RADX: variants seen among roughly 807,000 people sequenced by gnomAD.
RADX encodes RPA1 related single stranded DNA binding protein, X-linked, also known as RPA-related protein RADX.
Under a neutral mutation model 61.6 loss-of-function variants are expected in RADX, and 36 were observed. The ratio of observed to expected loss-of-function variants is 0.58; its 90% confidence interval spans 0.45 to 0.77. The LOEUF is 0.77. RADX is among the 30% of genes least tolerant of loss of function. The pLI, the probability that RADX is intolerant of heterozygous loss-of-function variation, is 0.00. For missense variants in RADX, 497 were observed against 651.1 expected (o/e 0.76, Z 2.58); for synonymous variants, 272 against 237.9 (o/e 1.14, Z -1.32).
Position 106,628,264 on chromosome X carries a change from T to C in RADX, c.979+2982T>C, listed in dbSNP as rs777949970. 4.5e-5 allele frequency among the ~76,000 whole-genome samples: 5 copies of C among 112,102 alleles called. No homozygotes were observed. In the East Asian group the frequency reaches 8.4e-4, roughly 19 times the overall value. On this transcript the variant is annotated intron_variant, in intron 3 of 13. Coordinates refer to ENST00000372548, the MANE Select transcript of RADX (RefSeq NM_018015.6). ...AAAATTAGTCTAATGGGGTGACAGC[T>C]ATGTAAGATAAACAAATTAGAGTAA...
intron 6 of RADX, among the ~76,000 whole-genome samples, chrX:106,634,033 C>T (rs1927303421): frequency 9.0e-6 from 1 of 111,397 alleles, no homozygotes; most frequent in African/African-American, 3.3e-5. Context: ...CATGAATAAA[C>T]ACTAATTGCT....
intron 2 of RADX, among the ~76,000 whole-genome samples, chrX:106,623,234 T>G (rs1218569788): frequency 9.0e-6 from 1 of 111,690 alleles, no homozygotes; most frequent in Non-Finnish European, 1.9e-5. Context: ...GCCTCCCATT[T>G]CTCAACACAG....
At position 106,625,280 on chromosome X, in the gene RADX, T is replaced by A; in HGVS notation, c.977T>A (p.Met326Lys). Reference sequence around the variant, plus strand: ...CCACAGATCAAACTAATTTCTACAATGGGTTAAGTATTCCATGAATTTGTT... The same window carrying A: ...CCACAGATCAAACTAATTTCTACAAAGGGTTAAGTATTCCATGAATTTGTT... ...VDPQIKLIST[M>K]EICLNLRDPP... Residue 326 changes from methionine (M) to lysine (K), a missense_variant and splice_region_variant, in exon 3 of 14, where the codon ATG becomes AAG. Coordinates refer to ENST00000372548, the MANE Select transcript of RADX (RefSeq NM_018015.6). 8.8e-7 allele frequency: 1 copy of A among 1,133,733 alleles called. No individual in the cohort carries two copies. Among genetic ancestry groups the A allele is most frequent in the Non-Finnish European group, 1.2e-6 (1 of 845,494 alleles). 93.4% of individuals were successfully genotyped at this position (1,133,733 alleles called of 1,213,427 possible). A position where few individuals can be genotyped will look rare whatever the true frequency, so the allele number is the denominator to read the frequency against.
At position 106,612,366 on chromosome X, in the gene RADX, G is replaced by T; in HGVS notation, c.286G>T (p.Asp96Tyr). The T allele has an allele frequency of 8.3e-7, 1 of 1,211,770 alleles. No individual in the cohort carries two copies. Reference sequence around the variant, plus strand: ...GCCCAAGCCTCCCCTTTATTGCTATGATGTGACGATCTCAGATGGGGTGTA... The same window carrying T: ...GCCCAAGCCTCCCCTTTATTGCTATTATGTGACGATCTCAGATGGGGTGTA... ...TVPKPPLYCY[D>Y]VTISDGVYQE... is the part of the protein sequence containing the mutation. Residue 96 changes from aspartate to tyrosine, a missense_variant, in exon 1 of 14, where the codon GAT (aspartate) becomes TAT (tyrosine). By Grantham distance (160) the Asp-to-Tyr change is radical. This residue lies in a region of RADX where 196 missense variants were observed against 315.0 expected (regional missense o/e 0.62). Transcript: ENST00000372548.
At chrX:106,672,738 C>G (rs990357868) in intron 13 of RADX, among the ~76,000 whole-genome samples, 3 of 112,168 alleles carry the variant, frequency 2.7e-5, no homozygotes, top group African/African-American at 9.7e-5. Context: ...CTCCAGTCCA[C>G]AAGCAGGTCC....
intron 3 of RADX, among the ~76,000 whole-genome samples, chrX:106,627,298 C>A (rs1204714292): frequency 1.8e-5 from 2 of 111,672 alleles, no homozygotes. Context: ...ACATTACCTG[C>A]ATGAAACTGA....
At chrX:106,616,355 T>G (rs1024600136) in intron 1 of RADX, among the ~76,000 whole-genome samples, 2 of 111,935 alleles carry the variant, frequency 1.8e-5, no homozygotes, top group African/African-American at 6.5e-5. Flanking sequence ...TTGGTGTTTT[T>G]TAAGACACTT....
intron 12 of RADX, 52 bp downstream of exon 12, chrX:106,662,357 A>G (rs774453162): frequency 9.4e-7 from 1 of 1,066,331 alleles, no homozygotes; most frequent in African/African-American, 1.9e-5. Context: ...TTTTAAATAT[A>G]CCTACTATTT....
intron 1 of RADX, among the ~76,000 whole-genome samples, chrX:106,618,952 A>G (rs956680108): frequency 1.3e-4 from 14 of 111,727 alleles, no homozygotes; most frequent in Non-Finnish European, 2.4e-4. Context: ...AGATCAATTT[A>G]ATTTATCTAA....
At position 106,640,739 on chromosome X, in the gene RADX, A is replaced by C. The variant is rs751403854; in HGVS notation, c.1904+18A>C. The C allele has an allele frequency of 9.3e-7, 1 of 1,076,619 alleles. No homozygotes were observed. The highest frequency in any genetic ancestry group is 2.4e-5 in the South Asian group (1 of 41,149). 88.7% of individuals were successfully genotyped at this position (1,076,619 alleles called of 1,213,427 possible). ...GCTAATCCGTAAGTCATTTGTATTAAGTATATGTAAAGTATATTTTTTCTT... is the reference window on the plus strand; with the variant it reads ...GCTAATCCGTAAGTCATTTGTATTACGTATATGTAAAGTATATTTTTTCTT... On this transcript the variant is annotated intron_variant, in intron 10 of 13. Transcript: ENST00000372548.
intron 11 of RADX, among the ~76,000 whole-genome samples, chrX:106,659,489 T>C (rs1425907896): frequency 8.9e-5 from 10 of 111,762 alleles, no homozygotes; most frequent in African/African-American, 3.2e-4. Context: ...AATTGTAAAA[T>C]ATAAAAATAT....
chrX:106,661,265 G>A (rs1327290802), intron 11 of RADX, among the ~76,000 whole-genome samples: 1 of 110,647 alleles, frequency 9.0e-6, no homozygotes, highest in African/African-American at 3.3e-5. Flanking sequence ...AAATTGAGGG[G>A]GTCTTTCATC....
At chrX:106,646,781 T>G (rs755978475) in intron 10 of RADX, among the ~76,000 whole-genome samples, 6 of 111,593 alleles carry the variant, frequency 5.4e-5, no homozygotes, top group Admixed American at 9.5e-5. Flanking sequence ...CAGGCCAGAT[T>G]GTTTCCCATA....
chrX:106,661,933 T>C, intron 11 of RADX, 82 bp from the exon 12 acceptor site: 1 of 831,529 alleles, frequency 1.2e-6, no homozygotes. Flanking sequence ...TCCTCATTAA[T>C]GTGTGGTTTT....
chrX:106,660,249 A>C lies in RADX; in HGVS notation c.1979-1766A>C, dbSNP rs771249085. Among the ~76,000 whole-genome samples the C allele has an allele frequency of 3.5e-3, 394 of 111,666 alleles. 3 individuals are homozygous for C. The highest frequency in any genetic ancestry group is 4.9e-3 in the Non-Finnish European group (260 of 53,077). On this transcript the variant is annotated intron_variant, in intron 11 of 13. Transcript: ENST00000372548. ...TAAGTTTTTTATCCCTTTTGTTATC[A>C]ATCATTATTATAGGAATTTGTGTGT...
intron 8 of RADX, 23 bp from the exon 9 acceptor site, chrX:106,639,504 A>T (rs769347180): frequency 5.1e-5 from 58 of 1,148,033 alleles, no homozygotes; most frequent in Non-Finnish European, 6.7e-5. Context: ...TAAAACTTAC[A>T]ATTTTCTTGG....
intron 2 of RADX, among the ~76,000 whole-genome samples, chrX:106,623,296 A>G (rs1296926301): frequency 9.0e-6 from 1 of 111,500 alleles, no homozygotes; most frequent in African/African-American, 3.3e-5. Flanking sequence ...TCTAATTGTC[A>G]AATCTGTGTG....
chrX:106,655,485 T>TC (rs1176043623), intron 11 of RADX, among the ~76,000 whole-genome samples: 1 of 108,205 alleles, frequency 9.2e-6, no homozygotes, highest in Non-Finnish European at 1.9e-5. Flanking sequence ...ATGCTATCCC[T>TC]CCCCCCACCG....
At chrX:106,662,924 GTT>G (rs5903285) in intron 12 of RADX, among the ~76,000 whole-genome samples, 43 of 101,921 alleles carry the variant, frequency 4.2e-4, no homozygotes, top group African/African-American at 1.5e-3. Flanking sequence ...TTAAAACTTA[GTT>G]TTTTTTTTTT....
Sources: gnomAD v4.1 joint callset for allele counts (sites outside exome capture counted in the v4.1 genomes callset) on GRCh38, gnomAD v4.1.1 for gene constraint, gnomAD v4.1.1 regional missense constraint, MANE v1.5 for transcripts, NCBI Gene and HGNC (gene_info 2026-07-23, HGNC 2026-07-21) for gene names.